Variants in RBAK observed in about 807,000 individuals in gnomAD.
RBAK encodes RB associated KRAB zinc finger.
A neutral mutation model predicts 65.8 loss-of-function variants in RBAK; 39 were observed. The ratio of observed to expected loss-of-function variants is 0.59; its 90% CI spans 0.46 to 0.77. RBAK has a LOEUF of 0.77. Ranked by LOEUF, RBAK falls within the 30% of genes least tolerant of loss-of-function variation. RBAK has a pLI of 0.00. For synonymous variants in RBAK, 343 were observed against 289.7 expected, an observed-to-expected ratio of 1.18 and a Z score of -1.87; for missense variants, 884 against 855.1, an observed-to-expected ratio of 1.03 and a Z score of -0.42.
At position 5,063,995 on chromosome 7, in the gene RBAK, T is replaced by G. The variant is rs535208058; in HGVS notation, c.539T>G (p.Phe180Cys). Reference sequence around the variant, plus strand: ...TATCATGGAGAGAAAATGTGTGAATTTAATCAAAATGGGGATACCTATTCT... The same window carrying G: ...TATCATGGAGAGAAAATGTGTGAATGTAATCAAAATGGGGATACCTATTCT... ...KTYHGEKMCE[F>C]NQNGDTYSHN... Residue 180 changes from phenylalanine (F) to cysteine (C), a missense_variant, in exon 5 of 5, where the codon TTT becomes TGT. Physicochemically the swap from Phe to Cys is radical, Grantham distance 205 (BLOSUM62 -2). Transcript: ENST00000396912. 11 of 1,613,866 alleles carry G rather than the reference T, an allele frequency of 6.8e-6. No homozygotes were observed. The South Asian group carries it at 1.2e-4, about 18-fold the overall frequency.
In RBAK at chr7:5,057,245, C is replaced by T. The variant is rs189085278; in HGVS notation, c.16-50C>T. ...CCGGTGGGCTTTGTAAAACGTTATC[C>T]CCCTATCCCTTTTCCGTATCTCCCA... is the stretch of plus-strand genomic sequence containing the variant. On this transcript the variant is annotated intron_variant, in intron 2 of 4. Coordinates refer to ENST00000396912, the MANE Select transcript of RBAK (RefSeq NM_021163.4). 7.4e-6 allele frequency: 12 copies of T among 1,612,210 alleles called. No homozygotes were observed. The East Asian group carries it at 1.6e-4, about 21-fold the overall frequency.
intron 4 of RBAK, among the ~76,000 whole-genome samples, chr7:5,059,987 A>G (rs1779030893): frequency 6.6e-6 from 1 of 152,184 alleles, no homozygotes; most frequent in African/African-American, 2.4e-5. Context: ...CTCTATGAGT[A>G]TATGCTCTGT....
At position 5,048,072 on chromosome 7, in the gene RBAK, A is replaced by G. The variant is rs1490835438; in HGVS notation, c.-5A>G. 1.3e-6 allele frequency: 2 copies of G among 1,597,246 alleles called. No homozygotes were observed. Among genetic ancestry groups the G allele is most frequent in the Non-Finnish European group, 1.7e-6 (2 of 1,174,224 alleles). On this transcript the variant is annotated 5_prime_UTR_variant, in exon 2 of 5. Transcript: ENST00000396912. This position sits in a 1 kb window ranked among gnomAD's most constrained non-coding sequence, Gnocchi z 4.4. Reference sequence around the variant, plus strand: ...GTCTCTGCACGTTTCCAAGAGCAGCAGAAAATGAACACATTGCAGGTGAGT... The same window carrying G: ...GTCTCTGCACGTTTCCAAGAGCAGCGGAAAATGAACACATTGCAGGTGAGT...
chr7:5,065,700 G>A lies in RBAK; in HGVS notation c.*99G>A, dbSNP rs969017343. On this transcript the variant is annotated 3_prime_UTR_variant, in exon 5 of 5. Transcript: ENST00000396912. This position sits in a 1 kb window ranked among gnomAD's most constrained non-coding sequence, Gnocchi z 5.3. ...TATCTGAGAGTTCGTGTTCCTGAACGGTGAGAAGCATTTAGGCATTAGAGT... is the reference window on the plus strand; with the variant it reads ...TATCTGAGAGTTCGTGTTCCTGAACAGTGAGAAGCATTTAGGCATTAGAGT... 3.3e-5 allele frequency: 29 copies of A among 877,452 alleles called. No homozygotes were observed. The East Asian group carries it at 6.5e-4, about 20-fold the overall frequency. 54.4% of individuals were successfully genotyped at this position (877,452 alleles called of 1,614,324 possible).
rs1264430652 is a variant in RBAK at position 5,067,584 on chromosome 7, A to G, written c.*1983A>G. 1 of 152,238 alleles carries G rather than the reference A, an allele frequency of 6.6e-6. No individual in the cohort carries two copies. Among genetic ancestry groups the G allele is most frequent in the Non-Finnish European group, 1.5e-5 (1 of 68,032 alleles). The allele number at this position is 152,238 out of a possible 1,614,324, so 9.4% of individuals were successfully genotyped here. On this transcript the variant is annotated 3_prime_UTR_variant, in exon 5 of 5. Coordinates refer to ENST00000396912, the MANE Select transcript of RBAK (RefSeq NM_021163.4). ...GTTCTTTAATGTAAATTAACAAGCT[A>G]ATTCTAGAATTCATATGCATATTCA...
In RBAK at chr7:5,057,909, G is replaced by A. The variant is rs188383265; in HGVS notation, c.238+130G>A. ...ACCCCCAAATATCACTTTCCTTCCC[G>A]CACACATACATGAACTCTTTTGTTG... On this transcript the variant is annotated intron_variant, in intron 4 of 4. Coordinates refer to ENST00000396912, the MANE Select transcript of RBAK (RefSeq NM_021163.4). 2.2e-4 allele frequency: 192 copies of A among 885,842 alleles called. 1 individual carries two copies. The highest frequency in any genetic ancestry group is 6.4e-4 in the South Asian group (38 of 59,300). The allele number at this position is 885,842 out of a possible 1,614,324, so 54.9% of individuals were successfully genotyped here.
chr7:5,055,138 A>C (rs1280207880), intron 2 of RBAK, among the ~76,000 whole-genome samples: 1 of 152,228 alleles, frequency 6.6e-6, no homozygotes, highest in East Asian at 1.9e-4. Flanking sequence ...CTAATTGTAG[A>C]TAATGAGCAT....
intron 4 of RBAK, among the ~76,000 whole-genome samples, chr7:5,061,377 G>T (rs1328490025): frequency 6.6e-6 from 1 of 151,756 alleles, no homozygotes; most frequent in African/African-American, 2.4e-5. Flanking sequence ...GGCTAGGAAG[G>T]TTAGCTAGTA....
chr7:5,054,686 A>G (rs1788187087), intron 2 of RBAK, among the ~76,000 whole-genome samples: 1 of 150,296 alleles, frequency 6.7e-6, no homozygotes, highest in African/African-American at 2.5e-5. Flanking sequence ...CTTCTGCCTC[A>G]GTTTCCTGAG....
chr7:5,061,930 C>A (rs1304310130), intron 4 of RBAK, among the ~76,000 whole-genome samples: 1 of 151,634 alleles, frequency 6.6e-6, no homozygotes, highest in East Asian at 1.9e-4. Flanking sequence ...GTCTTCTGGT[C>A]TATCTTATGT....
In RBAK at chr7:5,065,505, G is replaced by C; in HGVS notation, c.2049G>C (p.Glu683Asp). Residue 683 changes from glutamate to aspartate, a missense_variant, in exon 5 of 5, where the codon GAG becomes GAC. Coordinates refer to ENST00000396912, the MANE Select transcript of RBAK (RefSeq NM_021163.4). The surrounding 1 kb of genome is among the most constrained non-coding windows in gnomAD (Gnocchi z 5.3). ...GAGAGAAACCCTATGAATGTAACGA[G>C]TGTGGGAAAAAATTCCACCACAGAT... ...HSGEKPYECN[E>D]CGKKFHHRSA... is the part of the protein sequence containing the mutation. The C allele has an allele frequency of 6.2e-7, 1 of 1,606,126 alleles. No individual in the cohort carries two copies. Among genetic ancestry groups the C allele is most frequent in the Non-Finnish European group, 8.5e-7 (1 of 1,176,704 alleles).
chr7:5,048,392 T>G lies in RBAK; in HGVS notation c.15+301T>G, dbSNP rs1398380342. ...TTTCACCATGTTGGCCAGGCTGGTC[T>G]CAAACTCCTGACCTCAGGTGATCCT... On this transcript the variant is annotated intron_variant, in intron 2 of 4. Coordinates refer to ENST00000396912, the MANE Select transcript of RBAK (RefSeq NM_021163.4). The surrounding 1 kb of genome is among the most constrained non-coding windows in gnomAD (Gnocchi z 4.4). Among the ~76,000 whole-genome samples, 1 of 152,188 alleles carries G rather than the reference T, an allele frequency of 6.6e-6. No individual in the cohort carries two copies. The highest frequency in any genetic ancestry group is 2.4e-5 in the African/African-American group (1 of 41,444).
In RBAK at chr7:5,045,989, C is replaced by T. The variant is rs1787967442; in HGVS notation, c.-452C>T. ...GCGCCCGGGCCAGCACCTAGGCGGGCGCGGGGGTGTGCAGGCCAGGGTTCG... is the reference window on the plus strand; with the variant it reads ...GCGCCCGGGCCAGCACCTAGGCGGGTGCGGGGGTGTGCAGGCCAGGGTTCG... On this transcript the variant is annotated 5_prime_UTR_variant, in exon 1 of 5. Transcript: ENST00000396912. 3.4e-6 allele frequency: 1 copy of T among 293,132 alleles called. No individual in the cohort carries two copies. 18.2% of individuals were successfully genotyped at this position (293,132 alleles called of 1,614,324 possible).
chr7:5,054,288 C>T (rs1435667591), intron 2 of RBAK, among the ~76,000 whole-genome samples: 1 of 151,844 alleles, frequency 6.6e-6, no homozygotes, highest in Non-Finnish European at 1.5e-5. Context: ...GCCTGTAATC[C>T]CAGCTACTTG....
At position 5,064,616 on chromosome 7, in the gene RBAK, C is replaced by A. The variant is rs143669653; in HGVS notation, c.1160C>A (p.Ala387Asp). The change falls in exon 5 of 5, where the codon GCT becomes GAT. Residue 387 changes from alanine (A) to aspartate (D), a missense_variant. By Grantham distance (126) the Ala-to-Asp change is moderately radical. Transcript: ENST00000396912. This position sits in a 1 kb window ranked among gnomAD's most constrained non-coding sequence, Gnocchi z 6.3. Reference sequence around the variant, plus strand: ...GGGAAATCCTTCTCCCGCAAGTCTGCTCTCAGTGACCATCAGAGAACTCAC... The same window carrying A: ...GGGAAATCCTTCTCCCGCAAGTCTGATCTCAGTGACCATCAGAGAACTCAC... ...ECGKSFSRKS[A>D]LSDHQRTHTG... 6.2e-7 allele frequency: 1 copy of A among 1,613,758 alleles called. No individual in the cohort carries two copies. Among genetic ancestry groups the A allele is most frequent in the Non-Finnish European group, 8.5e-7 (1 of 1,179,804 alleles).
chr7:5,065,723 A>AAT lies in RBAK; in HGVS notation c.*122_*123insAT, dbSNP rs1779202603. 1.5e-6 allele frequency: 1 copy of AAT among 662,082 alleles called. No individual in the cohort carries two copies. Among genetic ancestry groups the AAT allele is most frequent in the Admixed American group, 3.7e-5 (1 of 27,094 alleles). 41.0% of individuals were successfully genotyped at this position (662,082 alleles called of 1,614,324 possible). A position where few individuals can be genotyped will look rare whatever the true frequency, so the allele number is the denominator to read the frequency against. ...ACGGTGAGAAGCATTTAGGCATTAG[A>AAT]GTCATTTTAATCCAAATTTTCACAG... On this transcript the variant is annotated 3_prime_UTR_variant, in exon 5 of 5. Transcript: ENST00000396912. The surrounding 1 kb of genome is among the most constrained non-coding windows in gnomAD (Gnocchi z 5.3).
rs764218744 is a variant in RBAK at position 5,063,676 on chromosome 7, T to A, written c.239-19T>A. The A allele has an allele frequency of 6.5e-7, 1 of 1,543,766 alleles. No individual in the cohort carries two copies. The highest frequency in any genetic ancestry group is 8.7e-7 in the Non-Finnish European group (1 of 1,147,186). ...TGTGTTCAGATTTACAAAGTTTGTT[T>A]ACTATTTTTCCTTTTTAGAAGCCTG... On this transcript the variant is annotated intron_variant, in intron 4 of 4. Transcript: ENST00000396912.
intron 4 of RBAK, among the ~76,000 whole-genome samples, chr7:5,060,833 ATGT>A (rs1478933202): frequency 6.6e-5 from 10 of 152,174 alleles, no homozygotes; most frequent in African/African-American, 9.7e-5. Flanking sequence ...GAGCTCAGAG[ATGT>A]TGTAGATTTC....
rs1233117052 is a variant in RBAK, at chr7:5,048,279, TCTC to T, written c.15+191_15+193del. ...CCTCCACCTCCTGGGTTCAAGCGATTCTCCTGCCTCAGCCTCCCGAGTAGCTGG... is the reference window on the plus strand; with the variant it reads ...CCTCCACCTCCTGGGTTCAAGCGATTCTGCCTCAGCCTCCCGAGTAGCTGG... On this transcript the variant is annotated intron_variant, in intron 2 of 4. Coordinates refer to ENST00000396912, the MANE Select transcript of RBAK (RefSeq NM_021163.4). The surrounding 1 kb of genome is among the most constrained non-coding windows in gnomAD (Gnocchi z 4.4). Among the ~76,000 whole-genome samples the T allele has an allele frequency of 2.0e-5, 3 of 152,086 alleles. No homozygotes were observed. The highest frequency in any genetic ancestry group is 7.2e-5 in the African/African-American group (3 of 41,402).
Sources: allele counts gnomAD v4.1 joint callset (sites outside exome capture counted in the v4.1 genomes callset), GRCh38; gene constraint gnomAD v4.1.1; non-coding constraint Gnocchi (gnomAD v3.1); transcripts MANE v1.5; gene names NCBI Gene and HGNC (gene_info 2026-07-23, HGNC 2026-07-21).